The following CACNA1A variants were observed in gnomAD, a reference collection of about 807,000 sequenced individuals.
CACNA1A encodes the protein voltage-dependent P/Q-type calcium channel subunit alpha-1A.
Under a neutral mutation model 262.4 loss-of-function variants are expected in CACNA1A, and 57 were observed. The ratio of observed to expected loss-of-function variants is 0.22; its 90% CI spans 0.18 to 0.27. The LOEUF (loss-of-function observed/expected upper bound fraction) is 0.27. CACNA1A is among the 10% of genes least tolerant of loss of function. CACNA1A has a pLI of 1.00. For synonymous variants in CACNA1A, 1,431 were observed against 1,419.3 expected (o/e 1.01, Z -0.18); for missense variants, 2,526 against 3,562.8 (o/e 0.71, Z 7.41).
chr19:13,365,298 T>A lies in CACNA1A; in HGVS notation c.784+19A>T. ...TGAAGGAGAAAACTGGAAAGATGCA[T>A]CATGCTCCGTGGACCTACCTGTCCC... On this transcript the variant is annotated intron_variant, in intron 5 of 46. Coordinates refer to ENST00000360228, the MANE Select transcript of CACNA1A (RefSeq NM_001127222.2). 1 of 1,601,388 alleles carries A rather than the reference T, an allele frequency of 6.2e-7. No homozygotes were observed. The highest frequency in any genetic ancestry group is 8.5e-7 in the Non-Finnish European group (1 of 1,171,196).
intron 22 of CACNA1A, 86 bp from the exon 23 acceptor site, chr19:13,277,214 G>GAAACTCTGCTCCC: frequency 2.2e-6 from 2 of 909,576 alleles, no homozygotes; most frequent in Middle Eastern, 4.4e-4. Flanking sequence ...CTACTGGGGA[G>GAAACTCTGCTCCC]CAGAGTTTCT....
intron 6 of CACNA1A, among the ~76,000 whole-genome samples, chr19:13,340,727 G>A (rs1392271374): frequency 9.9e-5 from 15 of 152,108 alleles, no homozygotes; most frequent in Admixed American, 7.2e-4. Flanking sequence ...ACGCCTGGCC[G>A]AGAGGTCAAG....
intron 3 of CACNA1A, among the ~76,000 whole-genome samples, chr19:13,386,710 T>C (rs1182286239): frequency 6.6e-6 from 1 of 151,778 alleles, no homozygotes; most frequent in Non-Finnish European, 1.5e-5. Flanking sequence ...GGAGAATCGC[T>C]TGAACCCAGG....
intron 3 of CACNA1A, among the ~76,000 whole-genome samples, chr19:13,376,747 ACAAT>A (rs1176404243): frequency 2.1e-5 from 3 of 145,634 alleles, no homozygotes; most frequent in Admixed American, 6.8e-5. Flanking sequence ...TATATATAAC[ACAAT>A]ATGTTATATG....
rs568425865 is a variant in CACNA1A at position 13,448,106 on chromosome 19, CA to C, written c.539+4769del. On this transcript the variant is annotated intron_variant, in intron 3 of 46. Transcript: ENST00000360228. ...TGAAAAAAAAAAAAAAACAGGGCTG[CA>C]AAAGCCCATCAATGATAGACTGGAT... Among the ~76,000 whole-genome samples, 7 of 149,970 alleles carry C rather than the reference CA, an allele frequency of 4.7e-5. No individual in the cohort carries two copies. The South Asian group carries it at 1.3e-3, about 27-fold the overall frequency.
chr19:13,396,838 T>A (rs1057214350), intron 3 of CACNA1A, among the ~76,000 whole-genome samples: 2 of 146,172 alleles, frequency 1.4e-5, no homozygotes, highest in African/African-American at 5.5e-5. Flanking sequence ...TCCGGTTTGG[T>A]TTGGCTGAGG....
Position 13,351,518 on chromosome 19 carries a change from A to AT in CACNA1A, c.978+8087dup, listed in dbSNP as rs552385742. ...CACCACACCCGGCTAATTAAAAAACATTTTTTTTGAGATGTAGTTTTGCTC... is the reference window on the plus strand; with the variant it reads ...CACCACACCCGGCTAATTAAAAAACATTTTTTTTTGAGATGTAGTTTTGCTC... On this transcript the variant is annotated intron_variant, in intron 6 of 46. Transcript: ENST00000360228. Among the ~76,000 whole-genome samples, 1,317 of 150,524 alleles carry AT rather than the reference A, an allele frequency of 8.7e-3. 15 individuals carry two copies. Among genetic ancestry groups the AT allele is most frequent in the South Asian group, 0.013 (62 of 4,736 alleles).
At position 13,283,256 on chromosome 19, in the gene CACNA1A, G is replaced by A. The variant is rs768382790; in HGVS notation, c.3822+11C>T. 2.5e-6 allele frequency: 4 copies of A among 1,613,420 alleles called. No individual in the cohort carries two copies. Among genetic ancestry groups the A allele is most frequent in the Non-Finnish European group, 3.4e-6 (4 of 1,179,450 alleles). On this transcript the variant is annotated intron_variant, in intron 22 of 46. Coordinates refer to ENST00000360228, the MANE Select transcript of CACNA1A (RefSeq NM_001127222.2). ...GCCAGGCTAGGAAGGGGTGTGCTCT[G>A]TGGGACTCACGTTGTTCCGAGGTGC...
chr19:13,277,310 A>T (rs990019568), intron 22 of CACNA1A, 182 bp from the exon 23 acceptor site: 2 of 536,526 alleles, frequency 3.7e-6, no homozygotes, highest in African/African-American at 3.8e-5. Flanking sequence ...TTCATACTGC[A>T]GATTTGTATG....
At chr19:13,489,723 G>A (rs2145121126) in intron 1 of CACNA1A, among the ~76,000 whole-genome samples, 1 of 152,088 alleles carries the variant, frequency 6.6e-6, no homozygotes, top group East Asian at 1.9e-4. Flanking sequence ...TGTCCCCTTG[G>A]GTCTCCCCAA....
In CACNA1A at chr19:13,275,886, A is replaced by G; in HGVS notation, c.3953T>C (p.Ile1318Thr). 5 of 1,613,852 alleles carry G rather than the reference A, an allele frequency of 3.1e-6. No homozygotes were observed. The highest frequency in any genetic ancestry group is 4.2e-6 in the Non-Finnish European group (5 of 1,179,770). ...FRDLWNILDF[I>T]VVSGALVAFA... Reference sequence around the variant, plus strand: ...GGCTACCAGGGCCCCACTGACCACTATGAAGTCGAGAATATTCCAGAGGTC... The same window carrying G: ...GGCTACCAGGGCCCCACTGACCACTGTGAAGTCGAGAATATTCCAGAGGTC... The change falls in exon 24 of 47, where the codon ATA becomes ACA. Residue 1318 changes from isoleucine (I) to threonine (T), a missense_variant. By Grantham distance (89) the Ile-to-Thr change is moderately conservative (BLOSUM62 -1). Coordinates refer to ENST00000360228, the MANE Select transcript of CACNA1A (RefSeq NM_001127222.2).
chr19:13,462,333 G>A lies in CACNA1A; in HGVS notation c.294-7121C>T, dbSNP rs372360534. Among the ~76,000 whole-genome samples, 6 of 152,296 alleles carry A rather than the reference G, an allele frequency of 3.9e-5. No homozygotes were observed. The East Asian group carries it at 7.7e-4, about 20-fold the overall frequency. On this transcript the variant is annotated intron_variant, in intron 1 of 46. Coordinates refer to ENST00000360228, the MANE Select transcript of CACNA1A (RefSeq NM_001127222.2). ...AGCAGTTAGCCAGGTCATTGAGCTT[G>A]TGTGAAGAAGCCAAACAGACCTCAT...
At position 13,240,373 on chromosome 19, in the gene CACNA1A, CTGTG is replaced by C. The variant is rs201553312; in HGVS notation, c.4951-4647_4951-4644del. ...TGCATAGTGGCTCTGTGTGCAGTGA[CTGTG>C]TGTGCAGTGTGTGTGCATAGTGACT... On this transcript the variant is annotated intron_variant, in intron 31 of 46. Coordinates refer to ENST00000360228, the MANE Select transcript of CACNA1A (RefSeq NM_001127222.2). Among the ~76,000 whole-genome samples the C allele has an allele frequency of 1.5e-4, 23 of 151,002 alleles. No homozygotes were observed. In the South Asian group the frequency reaches 3.2e-3, roughly 21 times the overall value.
At chr19:13,491,005 A>AAGGAAGGAAGG (rs1555794665) in intron 1 of CACNA1A, among the ~76,000 whole-genome samples, 3 of 150,200 alleles carry the variant, frequency 2.0e-5, no homozygotes, top group African/African-American at 7.4e-5. Flanking sequence ...AGGAAGGAAG[A>AAGGAAGGAAGG]AAGGAAGGAA....
intron 31 of CACNA1A, among the ~76,000 whole-genome samples, chr19:13,238,814 T>G (rs548359327): frequency 6.6e-6 from 1 of 152,266 alleles, no homozygotes; most frequent in African/African-American, 2.4e-5. Flanking sequence ...CTCGAACTCC[T>G]GACCTCAGGT....
chr19:13,355,817 G>C (rs1280621381), intron 6 of CACNA1A, among the ~76,000 whole-genome samples: 2 of 152,172 alleles, frequency 1.3e-5, no homozygotes, highest in Non-Finnish European at 2.9e-5. Context: ...TGGTGGGGCA[G>C]AGGTGGGGGA....
rs181220499 is a variant in CACNA1A, at chr19:13,299,882, G to A, written c.2280-529C>T. On this transcript the variant is annotated intron_variant, in intron 18 of 46. Transcript: ENST00000360228. The stretch of plus-strand genomic sequence containing the variant: ...ACCTAGGTGTGGGGGGTGGTTTTGG[G>A]ATGAAACTGTTTCACCTGAGATCAT... 2.6e-5 allele frequency among the ~76,000 whole-genome samples: 4 copies of A among 152,256 alleles called. No homozygotes were observed. The East Asian group carries it at 7.7e-4, about 29-fold the overall frequency.
chr19:13,356,167 A>T (rs946631461), intron 6 of CACNA1A, among the ~76,000 whole-genome samples: 1 of 152,190 alleles, frequency 6.6e-6, no homozygotes, highest in Non-Finnish European at 1.5e-5. Context: ...GCACTGCTGG[A>T]GCTGTTCTAA....
At chr19:13,371,186 T>C (rs941347867) in intron 4 of CACNA1A, 5 of 152,574 alleles carry the variant, frequency 3.3e-5, no homozygotes, top group African/African-American at 1.2e-4. Flanking sequence ...TGAAATAAGG[T>C]AATTCATGTA....
Sources: gnomAD v4.1 joint callset for allele counts (sites outside exome capture counted in the v4.1 genomes callset) on GRCh38, gnomAD v4.1.1 for gene constraint, MANE v1.5 for transcripts, NCBI Gene and HGNC (gene_info 2026-07-23, HGNC 2026-07-21) for gene names.